The following ST6GALNAC4 variants were observed in gnomAD, a reference collection of about 807,000 sequenced individuals.
ST6GALNAC4 encodes the protein alpha-N-acetyl-neuraminyl-2,3-beta-galactosyl-1,3-N-acetyl-galactosaminide alpha-2,6-sialyltransferase.
Under a neutral mutation model 30.4 loss-of-function variants are expected in ST6GALNAC4, and 24 were observed. That is an observed-to-expected ratio of 0.79 (90% CI 0.57 to 1.11). The LOEUF (loss-of-function observed/expected upper bound fraction) is 1.11, where lower values mean the gene tolerates loss of function less well. ST6GALNAC4 is among the 50% of genes most tolerant of loss of function. The probability of loss-of-function intolerance (pLI) is 0.00; values close to 1 mark genes in which losing one functional copy is unlikely to be tolerated. For missense variants in ST6GALNAC4, 365 were observed against 430.1 expected (o/e 0.85, Z 1.34); for synonymous variants, 156 against 179.7 (o/e 0.87, Z 1.05).
In ST6GALNAC4 at chr9:127,908,310, A is replaced by ATATT; in HGVS notation, c.*81_*82insAATA. 1 of 1,341,318 alleles carries ATATT rather than the reference A, an allele frequency of 7.5e-7. No individual in the cohort carries two copies. The allele number at this position is 1,341,318 out of a possible 1,614,324, so 83.1% of individuals were successfully genotyped here. ...GCAGGAGGCAGGATCCATAAATTAAATGTTTTTGTGGAGTGTGATGGCTTG... is the reference window on the plus strand; with the variant it reads ...GCAGGAGGCAGGATCCATAAATTAAATATTTGTTTTTGTGGAGTGTGATGGCTTG... On this transcript the variant is annotated 3_prime_UTR_variant, in exon 6 of 6. Coordinates refer to ENST00000335791, the MANE Select transcript of ST6GALNAC4 (RefSeq NM_175039.4).
chr9:127,910,137 C>T, intron 4 of ST6GALNAC4, 79 bp from the exon 5 acceptor site: 1 of 1,549,140 alleles, frequency 6.5e-7, no homozygotes. Flanking sequence ...GCACTTGGTA[C>T]TTTGCCAGCC....
chr9:127,911,972 C>A (rs538813130), intron 4 of ST6GALNAC4, among the ~76,000 whole-genome samples: 2 of 152,350 alleles, frequency 1.3e-5, no homozygotes, highest in Non-Finnish European at 2.9e-5. Context: ...TTAGACAGAC[C>A]ATTCCCTCCA....
chr9:127,910,601 C>T (rs1831054577), intron 4 of ST6GALNAC4: 1 of 990,626 alleles, frequency 1.0e-6, no homozygotes, highest in Non-Finnish European at 1.2e-6. Context: ...CCGCATGCCC[C>T]CATGCCCCAC....
chr9:127,913,904 C>A (rs535139106), intron 3 of ST6GALNAC4, among the ~76,000 whole-genome samples: 3 of 152,278 alleles, frequency 2.0e-5, no homozygotes, highest in Non-Finnish European at 4.4e-5. Flanking sequence ...CAGGTGTACA[C>A]CTTCACCGAG....
At chr9:127,910,886 G>C (rs1372297279) in intron 4 of ST6GALNAC4, among the ~76,000 whole-genome samples, 2 of 152,200 alleles carry the variant, frequency 1.3e-5, no homozygotes, top group African/African-American at 2.4e-5. Context: ...TGATGGCAGA[G>C]GGTGACACCT....
At chr9:127,911,699 G>C (rs1416372369) in intron 4 of ST6GALNAC4, among the ~76,000 whole-genome samples, 3 of 152,080 alleles carry the variant, frequency 2.0e-5, no homozygotes, top group African/African-American at 7.2e-5. Context: ...GTTGGCCAGG[G>C]TGGTCTTGAT....
At chr9:127,916,557 G>T in intron 1 of ST6GALNAC4, 63 bp from the exon 2 acceptor site, 1 of 992,766 alleles carries the variant, frequency 1.0e-6, no homozygotes, top group Admixed American at 1.9e-5. Flanking sequence ...AAGCTATAGG[G>T]AAAACTGAGG....
At chr9:127,916,296 C>T (rs960904943) in intron 2 of ST6GALNAC4, 112 bp downstream of exon 2, 2 of 1,437,118 alleles carry the variant, frequency 1.4e-6, no homozygotes, top group Non-Finnish European at 2.0e-6. Flanking sequence ...CTTCTCTGCT[C>T]AGCAGTAGGG....
rs774191927 is a variant in ST6GALNAC4, at chr9:127,908,371, C to T, written c.*21G>A. On this transcript the variant is annotated 3_prime_UTR_variant, in exon 6 of 6. Coordinates refer to ENST00000335791, the MANE Select transcript of ST6GALNAC4 (RefSeq NM_175039.4). ...TCCCGGAGGCCTCGCAACGGCATGGCGACTGGCAGGACGACGGAAGCTACT... is the reference window on the plus strand; with the variant it reads ...TCCCGGAGGCCTCGCAACGGCATGGTGACTGGCAGGACGACGGAAGCTACT... 26 of 1,514,474 alleles carry T rather than the reference C, an allele frequency of 1.7e-5. No individual in the cohort carries two copies. The highest frequency in any genetic ancestry group is 8.3e-5 in the African/African-American group (6 of 72,414). 93.8% of individuals were successfully genotyped at this position (1,514,474 alleles called of 1,614,324 possible). A position where few individuals can be genotyped will look rare whatever the true frequency, so the allele number is the denominator to read the frequency against.
Position 127,909,629 on chromosome 9 carries a change from C to T in ST6GALNAC4, c.719+322G>A, listed in dbSNP as rs189863111. Among the ~76,000 whole-genome samples, 4 of 151,408 alleles carry T rather than the reference C, an allele frequency of 2.6e-5. No individual in the cohort carries two copies. The East Asian group carries it at 7.7e-4, about 29-fold the overall frequency. ...AAGCACTTTTGTAGATTATTCCCTC[C>T]CTAAATGTTTCAACAACCTTCCAAG... On this transcript the variant is annotated intron_variant, in intron 5 of 5. Coordinates refer to ENST00000335791, the MANE Select transcript of ST6GALNAC4 (RefSeq NM_175039.4).
intron 3 of ST6GALNAC4, 116 bp downstream of exon 3, chr9:127,914,540 T>A: frequency 4.4e-6 from 1 of 226,840 alleles, no homozygotes; most frequent in Non-Finnish European, 7.3e-6. Context: ...CTCAGAGAGG[T>A]GATGTGATTG....
intron 4 of ST6GALNAC4, 152 bp from the exon 5 acceptor site, chr9:127,910,210 C>T: frequency 7.0e-7 from 1 of 1,430,350 alleles, no homozygotes. Context: ...GGGACAGAGC[C>T]AGCCCAAGGC....
intron 3 of ST6GALNAC4, among the ~76,000 whole-genome samples, chr9:127,913,459 C>T (rs1159321348): frequency 6.6e-6 from 1 of 152,094 alleles, no homozygotes; most frequent in South Asian, 2.1e-4. Flanking sequence ...GTAGCACACG[C>T]CTGTAATCCC....
chr9:127,913,089 G>C (rs1262485127), intron 3 of ST6GALNAC4, among the ~76,000 whole-genome samples: 2 of 152,178 alleles, frequency 1.3e-5, no homozygotes, highest in African/African-American at 4.8e-5. Flanking sequence ...ATCATTCTTA[G>C]GCCACTCCCT....
intron 3 of ST6GALNAC4, among the ~76,000 whole-genome samples, chr9:127,913,773 C>T (rs927816946): frequency 6.6e-6 from 1 of 152,176 alleles, no homozygotes; most frequent in East Asian, 1.9e-4. Flanking sequence ...TAAAAATTAA[C>T]CAGGTGTGGT....
At chr9:127,914,561 C>A in intron 3 of ST6GALNAC4, 95 bp downstream of exon 3, 1 of 647,660 alleles carries the variant, frequency 1.5e-6, no homozygotes, top group East Asian at 9.4e-5. Flanking sequence ...GCCAGGATCA[C>A]ATGGCTGGTG....
intron 2 of ST6GALNAC4, chr9:127,916,125 G>A: frequency 7.3e-6 from 4 of 550,658 alleles, no homozygotes; most frequent in Non-Finnish European, 1.3e-5. Flanking sequence ...CGGCTGAACT[G>A]AACTTCACAA....
rs150208078 is a variant in ST6GALNAC4, at chr9:127,908,399, G to A, written c.902C>T (p.Thr301Ile). ...CTGGCAGGACGACGGAAGCTACTCA[G>A]TCCTCCAGGACGGATGGGCGAACAC... Reference protein sequence around the residue: ...PIVFAHPSWRTE With the variant: ...PIVFAHPSWRIE Residue 301 changes from threonine to isoleucine, a missense_variant, in exon 6 of 6, where the codon ACT becomes ATT. Transcript: ENST00000335791. 6.3e-5 allele frequency: 98 copies of A among 1,552,442 alleles called. No individual in the cohort carries two copies. The African/African-American group carries it at 1.2e-3, about 19-fold the overall frequency.
intron 5 of ST6GALNAC4, 37 bp downstream of exon 5, chr9:127,909,914 C>T: frequency 2.8e-6 from 4 of 1,433,590 alleles, no homozygotes; most frequent in South Asian, 2.7e-5. Flanking sequence ...TCACAGTCCT[C>T]CCCGCGTCCC....
Sources: allele counts gnomAD v4.1 joint callset (sites outside exome capture counted in the v4.1 genomes callset), GRCh38; gene constraint gnomAD v4.1.1; transcripts MANE v1.5; gene names NCBI Gene and HGNC (gene_info 2026-07-23, HGNC 2026-07-21).